Variants in RBFOX1 observed in about 807,000 individuals in gnomAD.
RBFOX1 encodes RNA binding protein fox-1 homolog 1.
Under a neutral mutation model 57.7 loss-of-function variants are expected in RBFOX1, and 8 were observed. The observed-to-expected ratio is 0.14, with a 90% CI of 0.08 to 0.25. The LOEUF is 0.25. Among genes scored for constraint, RBFOX1 ranks in the 10% least tolerant of loss-of-function variants. The probability of loss-of-function intolerance (pLI) is 1.00; values close to 1 mark genes in which losing one functional copy is unlikely to be tolerated. For missense variants in RBFOX1, 611 were observed against 548.5 expected, an observed-to-expected ratio of 1.11 and a Z score of -1.14; for synonymous variants, 326 against 222.4, an observed-to-expected ratio of 1.47 and a Z score of -4.15.
chr16:6,948,630 C>A (rs2080062334), intron 3 of RBFOX1, among the ~76,000 whole-genome samples: 2 of 151,940 alleles, frequency 1.3e-5, no homozygotes, highest in Non-Finnish European at 2.9e-5. Flanking sequence ...GATCTGCTCG[C>A]CTTGGCCTCC....
intron 1 of RBFOX1, among the ~76,000 whole-genome samples, chr16:6,279,508 A>C (rs1430885038): frequency 1.3e-5 from 2 of 152,164 alleles, no homozygotes; most frequent in Non-Finnish European, 2.9e-5. Flanking sequence ...ATTCCATGGA[A>C]ACTTTAAACA....
chr16:5,454,789 C>CTCTT (rs773064617), intron 1 of RBFOX1, among the ~76,000 whole-genome samples: 9 of 127,946 alleles, frequency 7.0e-5, no homozygotes, highest in South Asian at 2.5e-4. Flanking sequence ...TTCTTTCTTT[C>CTCTT]TCTTTCTTTC....
intron 5 of RBFOX1, among the ~76,000 whole-genome samples, chr16:7,576,240 G>A (rs528846097): frequency 6.6e-6 from 1 of 152,114 alleles, no homozygotes; most frequent in African/African-American, 2.4e-5. Context: ...CCCCATTAAT[G>A]TCCTTTGATG....
At chr16:7,261,385 T>C (rs2094913359) in intron 4 of RBFOX1, among the ~76,000 whole-genome samples, 1 of 152,216 alleles carries the variant, frequency 6.6e-6, no homozygotes, top group Non-Finnish European at 1.5e-5. Context: ...GGCAGCAGAA[T>C]GTGTCCTCCA....
intron 1 of RBFOX1, among the ~76,000 whole-genome samples, chr16:6,227,654 G>C (rs1408216088): frequency 6.6e-6 from 1 of 152,136 alleles, no homozygotes; most frequent in Non-Finnish European, 1.5e-5. Context: ...ATGACCATGA[G>C]TCCAGAAGCC....
rs71280729 is a variant in RBFOX1, at chr16:6,707,481, T to TTG, written c.-16+52832_-16+52833insGT. ...ATTTAGATGGCTTCCCATTTTTGTT[T>TTG]TTTTTTTTTTTTTGCTGTTGTAAAC... On this transcript the variant is annotated intron_variant, in intron 3 of 15. Coordinates refer to ENST00000550418, the MANE Select transcript of RBFOX1 (RefSeq NM_018723.4). Among the ~76,000 whole-genome samples the TTG allele has an allele frequency of 6.2e-4, 94 of 150,436 alleles. 1 individual carries two copies. Among genetic ancestry groups the TTG allele is most frequent in the Admixed American group, 1.2e-3 (18 of 14,904 alleles).
intron 2 of RBFOX1, among the ~76,000 whole-genome samples, chr16:5,595,301 C>T (rs1219895223): frequency 1.3e-5 from 2 of 152,162 alleles, no homozygotes; most frequent in African/African-American, 4.8e-5. Context: ...TGTTTGATGG[C>T]CCATCTGGGA....
intron 14 of RBFOX1, chr16:7,693,416 CTTTTT>C: frequency 7.5e-5 from 59 of 782,418 alleles, no homozygotes; most frequent in Middle Eastern, 2.9e-4. Flanking sequence ...TCTCAGTATC[CTTTTT>C]TTTTTTTTTT....
At position 6,972,524 on chromosome 16, in the gene RBFOX1, C is replaced by CTG. The variant is rs577838283; in HGVS notation, c.-15-79532_-15-79531dup. On this transcript the variant is annotated intron_variant, in intron 3 of 15. Transcript: ENST00000550418. Reference sequence around the variant, plus strand: ...TTGGGTTGCCGCCACTTGTTGGTGTCTGAATAGTGCTGCTTTGAACATGGG... The same window carrying CTG: ...TTGGGTTGCCGCCACTTGTTGGTGTCTGTGAATAGTGCTGCTTTGAACATGGG... Among the ~76,000 whole-genome samples the CTG allele has an allele frequency of 1.4e-4, 21 of 152,218 alleles. 1 individual carries two copies. In the South Asian group the frequency reaches 2.7e-3, roughly 20 times the overall value.
At chr16:5,416,849 G>C (rs2067174479) in intron 1 of RBFOX1, among the ~76,000 whole-genome samples, 1 of 152,162 alleles carries the variant, frequency 6.6e-6, no homozygotes, top group Admixed American at 6.5e-5. Flanking sequence ...GAGGAGGGAA[G>C]TGTAGCGTTT....
At chr16:6,222,259 T>A (rs12922824) in intron 1 of RBFOX1, among the ~76,000 whole-genome samples, 75,380 of 151,968 alleles carry the variant, frequency 0.5, 19,115 homozygotes, top group Middle Eastern at 0.59. Context: ...TACTGTTAAT[T>A]TGTAAATCAA....
chr16:5,944,310 T>C (rs7202039), intron 4 of RBFOX1, among the ~76,000 whole-genome samples: 107,234 of 151,882 alleles, frequency 0.71, 38,528 homozygotes, highest in African/African-American at 0.84. Context: ...CCAGGCGGCT[T>C]TTGAGGTTCT....
chr16:5,605,288 G>T (rs1285707524), intron 3 of RBFOX1, among the ~76,000 whole-genome samples: 1 of 152,172 alleles, frequency 6.6e-6, no homozygotes, highest in Non-Finnish European at 1.5e-5. Context: ...GGTTTCTCAG[G>T]CTCTTTCTGC....
intron 4 of RBFOX1, among the ~76,000 whole-genome samples, chr16:5,899,605 G>A (rs746795324): frequency 1.3e-5 from 2 of 152,170 alleles, no homozygotes; most frequent in Non-Finnish European, 2.9e-5. Context: ...GCCAAGCTGA[G>A]CAAGATTCTG....
intron 2 of RBFOX1, among the ~76,000 whole-genome samples, chr16:6,538,725 G>A (rs1013298120): frequency 1.3e-5 from 2 of 152,160 alleles, no homozygotes; most frequent in East Asian, 1.9e-4. Flanking sequence ...AACTTTTGAC[G>A]ACTGAATGTG....
At chr16:6,907,056 T>G (rs2070193000) in intron 3 of RBFOX1, among the ~76,000 whole-genome samples, 1 of 152,236 alleles carries the variant, frequency 6.6e-6, no homozygotes, top group Non-Finnish European at 1.5e-5. Flanking sequence ...AATAATTGTT[T>G]ATGATCTCCA....
intron 3 of RBFOX1, among the ~76,000 whole-genome samples, chr16:6,813,929 A>C (rs2089421370): frequency 6.6e-6 from 1 of 152,126 alleles, no homozygotes; most frequent in Non-Finnish European, 1.5e-5. Flanking sequence ...TTCCTTCCTC[A>C]AGTTACCCAG....
chr16:7,299,658 C>G (rs2095983545), intron 4 of RBFOX1, among the ~76,000 whole-genome samples: 1 of 152,192 alleles, frequency 6.6e-6, no homozygotes, highest in Admixed American at 6.5e-5. Context: ...GAAACTGTGT[C>G]TGAGAAATGG....
At chr16:5,508,951 C>T (rs1258705901) in intron 2 of RBFOX1, among the ~76,000 whole-genome samples, 1 of 152,160 alleles carries the variant, frequency 6.6e-6, no homozygotes, top group Non-Finnish European at 1.5e-5. Context: ...ACGTCTTTGC[C>T]CACTCATCTC....
Sources: gnomAD v4.1 joint callset for allele counts (sites outside exome capture counted in the v4.1 genomes callset) on GRCh38, gnomAD v4.1.1 for gene constraint, MANE v1.5 for transcripts, NCBI Gene and HGNC (gene_info 2026-07-23, HGNC 2026-07-21) for gene names.